NR6A1: variants seen among roughly 807,000 people sequenced by gnomAD.
The protein encoded by NR6A1 is nuclear receptor subfamily 6 group A member 1, also known as retinoic acid receptor-related testis-associated receptor.
In NR6A1, 7 loss-of-function variants were observed where a neutral mutation model predicts 59.1. That is an observed-to-expected ratio of 0.12 (90% CI 0.07 to 0.22). The LOEUF is 0.22. Ranked by LOEUF, NR6A1 falls within the 10% of genes least tolerant of loss-of-function variation. The pLI, the probability that NR6A1 is intolerant of heterozygous loss-of-function variation, is 1.00. For missense variants in NR6A1, 468 were observed against 611.6 expected (o/e 0.77, Z 2.48); for synonymous variants, 243 against 236.1 (o/e 1.03, Z -0.27).
At chr9:124,766,033 C>T (rs1840925171) in intron 1 of NR6A1, among the ~76,000 whole-genome samples, 1 of 152,144 alleles carries the variant, frequency 6.6e-6, no homozygotes, top group South Asian at 2.1e-4. Flanking sequence ...GAACAAAAGA[C>T]TGGGCTGGAT....
At chr9:124,584,200 C>T (rs531182872) in intron 2 of NR6A1, among the ~76,000 whole-genome samples, 28 of 151,856 alleles carry the variant, frequency 1.8e-4, no homozygotes, top group African/African-American at 5.8e-4. Flanking sequence ...CTCCACCTCC[C>T]ACGTTCAAGC....
At chr9:124,619,828 G>A (rs536658573) in intron 2 of NR6A1, among the ~76,000 whole-genome samples, 222 of 152,256 alleles carry the variant, frequency 1.5e-3, no homozygotes, top group Non-Finnish European at 2.2e-3. Context: ...TTGGGAGGCC[G>A]AGGCAGGTGG....
intron 2 of NR6A1, among the ~76,000 whole-genome samples, chr9:124,610,210 A>G (rs1296284888): frequency 6.6e-6 from 1 of 152,160 alleles, no homozygotes; most frequent in East Asian, 1.9e-4. Context: ...GCTTTTGCCC[A>G]TTCAGTATAT....
intron 1 of NR6A1, among the ~76,000 whole-genome samples, chr9:124,763,657 G>A (rs1840842905): frequency 6.6e-6 from 1 of 152,210 alleles, no homozygotes; most frequent in South Asian, 2.1e-4. Flanking sequence ...AAGGGATGAG[G>A]AAGGGGGATA....
chr9:124,672,145 T>C (rs888034183), intron 2 of NR6A1, among the ~76,000 whole-genome samples: 1 of 152,246 alleles, frequency 6.6e-6, no homozygotes, highest in East Asian at 1.9e-4. Context: ...TGTGCCCTTA[T>C]TACTACTGTG....
At chr9:124,733,716 T>C (rs1000507216) in intron 1 of NR6A1, among the ~76,000 whole-genome samples, 2 of 152,232 alleles carry the variant, frequency 1.3e-5, no homozygotes, top group African/African-American at 4.8e-5. Context: ...ATTCATTTAA[T>C]ACCTGTCATA....
chr9:124,642,345 C>G (rs1836790529), intron 2 of NR6A1, among the ~76,000 whole-genome samples: 1 of 152,200 alleles, frequency 6.6e-6, no homozygotes, highest in Non-Finnish European at 1.5e-5. Context: ...GCACTGCGCC[C>G]AGAAACTTTG....
At chr9:124,703,826 CTTGAT>C (rs1456577946) in intron 2 of NR6A1, among the ~76,000 whole-genome samples, 1 of 115,370 alleles carries the variant, frequency 8.7e-6, no homozygotes, top group Non-Finnish European at 1.9e-5. Context: ...TTATTGCTTC[CTTGAT>C]TTTTTTTTTT....
chr9:124,703,330 G>A (rs1005632015), intron 2 of NR6A1, among the ~76,000 whole-genome samples: 2 of 147,802 alleles, frequency 1.4e-5, no homozygotes, highest in Non-Finnish European at 1.5e-5. Flanking sequence ...ATCCCACCTC[G>A]ACCTCCTAAG....
intron 2 of NR6A1, among the ~76,000 whole-genome samples, chr9:124,555,202 A>C (rs1371321792): frequency 3.3e-5 from 5 of 152,176 alleles, no homozygotes; most frequent in African/African-American, 1.2e-4. Context: ...GACGAGCAAT[A>C]AACAAGTTAC....
intron 2 of NR6A1, among the ~76,000 whole-genome samples, chr9:124,560,323 T>C (rs1480242163): frequency 6.6e-6 from 1 of 152,210 alleles, no homozygotes; most frequent in Non-Finnish European, 1.5e-5. Context: ...TATCTTTATA[T>C]AATAAATTCT....
At chr9:124,583,498 A>T (rs866248251) in intron 2 of NR6A1, among the ~76,000 whole-genome samples, 2 of 152,076 alleles carry the variant, frequency 1.3e-5, no homozygotes, top group Non-Finnish European at 2.9e-5. Flanking sequence ...CTTTCTAGCA[A>T]GGTACATTAA....
chr9:124,761,964 C>T (rs1329860323), intron 1 of NR6A1, among the ~76,000 whole-genome samples: 1 of 152,152 alleles, frequency 6.6e-6, no homozygotes, highest in African/African-American at 2.4e-5. Context: ...TTCATGTATT[C>T]CCAAGCAAAG....
At chr9:124,587,118 A>T (rs1202294472) in intron 2 of NR6A1, among the ~76,000 whole-genome samples, 2 of 152,350 alleles carry the variant, frequency 1.3e-5, no homozygotes, top group Admixed American at 1.3e-4. Flanking sequence ...CTGCAGCAAG[A>T]TCTCACAGCA....
intron 3 of NR6A1, among the ~76,000 whole-genome samples, chr9:124,550,061 C>T (rs1833724374): frequency 6.6e-6 from 1 of 152,046 alleles, no homozygotes; most frequent in Non-Finnish European, 1.5e-5. Context: ...TCAATATGGG[C>T]TTGTTTGTTT....
chr9:124,592,222 G>A (rs558923978), intron 2 of NR6A1, among the ~76,000 whole-genome samples: 1 of 152,100 alleles, frequency 6.6e-6, no homozygotes, highest in African/African-American at 2.4e-5. Flanking sequence ...GAACCCTGAG[G>A]ACTTTTATGG....
intron 5 of NR6A1, 92 bp downstream of exon 5, chr9:124,539,941 C>T: frequency 1.4e-6 from 2 of 1,404,246 alleles, no homozygotes; most frequent in Non-Finnish European, 1.9e-6. Flanking sequence ...GCTGAGACAG[C>T]CTGGCAGGGA....
At chr9:124,701,993 A>G (rs373785413) in intron 2 of NR6A1, among the ~76,000 whole-genome samples, 232 of 152,264 alleles carry the variant, frequency 1.5e-3, no homozygotes, top group African/African-American at 4.8e-3. Context: ...CCAAAGTGCT[A>G]GGATTACAGG....
intron 2 of NR6A1, among the ~76,000 whole-genome samples, chr9:124,665,402 C>T (rs1363795930): frequency 6.6e-6 from 1 of 152,076 alleles, no homozygotes; most frequent in African/African-American, 2.4e-5. Context: ...GTCATCAAGC[C>T]ATTAAGAAAA....
Sources: allele counts gnomAD v4.1 joint callset (sites outside exome capture counted in the v4.1 genomes callset), GRCh38; gene constraint gnomAD v4.1.1; transcripts MANE v1.5; gene names NCBI Gene and HGNC (gene_info 2026-07-23, HGNC 2026-07-21).